The following ADAM17 variants were observed in gnomAD, a reference collection of about 807,000 sequenced individuals.
ADAM17 encodes disintegrin and metalloproteinase domain-containing protein 17.
Under a neutral mutation model 96.7 loss-of-function variants are expected in ADAM17, and 39 were observed. The observed-to-expected ratio is 0.40, with a 90% CI of 0.31 to 0.53. The LOEUF is 0.53. Among genes scored for constraint, ADAM17 ranks in the 20% least tolerant of loss-of-function variants. The probability of loss-of-function intolerance (pLI) is 0.44; values close to 1 mark genes in which losing one functional copy is unlikely to be tolerated. For synonymous variants in ADAM17, 344 were observed against 359.2 expected (o/e 0.96, Z 0.48); for missense variants, 777 against 1,013.2 (o/e 0.77, Z 3.17).
chr2:9,493,078 C>T, intron 16 of ADAM17, 92 bp from the exon 17 acceptor site: 1 of 1,058,406 alleles, frequency 9.4e-7, no homozygotes, highest in Middle Eastern at 2.1e-4. Flanking sequence ...GTGTCAAATG[C>T]CAGAGCTGCT....
chr2:9,494,863 A>G, intron 14 of ADAM17, 96 bp from the exon 15 acceptor site: 1 of 1,448,620 alleles, frequency 6.9e-7, no homozygotes, highest in South Asian at 1.3e-5. Context: ...CCAAAGAGGT[A>G]AGAAATCACA....
intron 1 of ADAM17, among the ~76,000 whole-genome samples, chr2:9,553,187 G>C (rs1665633973): frequency 1.3e-5 from 2 of 152,126 alleles, no homozygotes; most frequent in Non-Finnish European, 2.9e-5. Flanking sequence ...AACTAGACTT[G>C]ATCTCTAAGA....
chr2:9,495,503 A>G (rs549154346), intron 14 of ADAM17, among the ~76,000 whole-genome samples: 10 of 152,188 alleles, frequency 6.6e-5, no homozygotes, highest in Non-Finnish European at 1.2e-4. Context: ...ACTTGAGGCC[A>G]GGAGTTCGAG....
intron 1 of ADAM17, among the ~76,000 whole-genome samples, chr2:9,547,556 T>C (rs1441333472): frequency 6.6e-6 from 1 of 152,046 alleles, no homozygotes; most frequent in East Asian, 1.9e-4. Flanking sequence ...GTCAAGGGCA[T>C]AACATATGCT....
At chr2:9,548,003 G>GT (rs905790548) in intron 1 of ADAM17, among the ~76,000 whole-genome samples, 4 of 152,018 alleles carry the variant, frequency 2.6e-5, no homozygotes, top group African/African-American at 7.2e-5. Context: ...GGAGGCAGAG[G>GT]TTGCAGTGAG....
At chr2:9,506,057 C>T (rs994424048) in intron 11 of ADAM17, among the ~76,000 whole-genome samples, 15 of 152,224 alleles carry the variant, frequency 9.9e-5, no homozygotes, top group Admixed American at 9.2e-4. Context: ...TTATCAGGAG[C>T]TCTAAAACTG....
At chr2:9,538,083 A>C (rs1193975918) in intron 2 of ADAM17, among the ~76,000 whole-genome samples, 2 of 151,198 alleles carry the variant, frequency 1.3e-5, no homozygotes, top group Non-Finnish European at 2.9e-5. Flanking sequence ...GTTTCAGTCC[A>C]GTTCTTTAAT....
At chr2:9,547,707 G>A (rs897830829) in intron 1 of ADAM17, among the ~76,000 whole-genome samples, 1 of 152,136 alleles carries the variant, frequency 6.6e-6, no homozygotes, top group Admixed American at 6.5e-5. Context: ...GCTATGGAAG[G>A]AAATCAGGGA....
chr2:9,541,657 CTT>C (rs775136456), intron 2 of ADAM17, among the ~76,000 whole-genome samples: 94 of 152,334 alleles, frequency 6.2e-4, no homozygotes, highest in Non-Finnish European at 1.1e-3. Context: ...GAAGTAAAAA[CTT>C]TGCATATCCT....
rs564659780 is a variant in ADAM17 at position 9,504,115 on chromosome 2, C to T, written c.1544+1051G>A. On this transcript the variant is annotated intron_variant, in intron 12 of 18. Coordinates refer to ENST00000310823, the MANE Select transcript of ADAM17 (RefSeq NM_003183.6). ...GCAGTGAGCCATGATCATGCCACTG[C>T]ACTCCATCTTGGGCAACAGACTGAG... Among the ~76,000 whole-genome samples the T allele has an allele frequency of 2.6e-3, 395 of 152,236 alleles. 1 individual carries two copies. Among genetic ancestry groups the T allele is most frequent in the Admixed American group, 7.2e-3 (110 of 15,286 alleles).
chr2:9,509,567 CT>C (rs1430660941), intron 11 of ADAM17, among the ~76,000 whole-genome samples: 2 of 152,170 alleles, frequency 1.3e-5, no homozygotes, highest in Non-Finnish European at 2.9e-5. Flanking sequence ...GTCAGGCAAA[CT>C]ATGTGTTTAA....
intron 2 of ADAM17, among the ~76,000 whole-genome samples, chr2:9,539,794 C>T (rs2125038362): frequency 6.6e-6 from 1 of 152,268 alleles, no homozygotes; most frequent in East Asian, 1.9e-4. Context: ...TTAAGTCCTA[C>T]TTTCATTTAC....
At chr2:9,535,811 A>T (rs1448024683) in intron 4 of ADAM17, 23 bp downstream of exon 4, 3 of 1,512,786 alleles carry the variant, frequency 2.0e-6, no homozygotes, top group Non-Finnish European at 2.7e-6. Flanking sequence ...AGCTACTGAA[A>T]AAAAATTCAC....
chr2:9,543,747 G>A (rs1156591578), intron 1 of ADAM17, among the ~76,000 whole-genome samples: 1 of 152,202 alleles, frequency 6.6e-6, no homozygotes, highest in Non-Finnish European at 1.5e-5. Flanking sequence ...CAGCAGAATG[G>A]TGGTTACCAG....
intron 13 of ADAM17, 26 bp downstream of exon 13, chr2:9,502,147 T>C: frequency 6.3e-7 from 1 of 1,591,752 alleles, no homozygotes; most frequent in Non-Finnish European, 8.6e-7. Context: ...CCCACAGCAT[T>C]CCAAGGAAGC....
Position 9,490,501 on chromosome 2 carries a change from G to A in ADAM17, c.2151C>T (p.Ser717=). 1.9e-6 allele frequency: 3 copies of A among 1,612,394 alleles called. No individual in the cohort carries two copies. Among genetic ancestry groups the A allele is most frequent in the Non-Finnish European group, 2.5e-6 (3 of 1,178,676 alleles). Residue 717 remains serine, a synonymous_variant, in exon 19 of 19, where the codon AGC becomes AGT. Coordinates refer to ENST00000310823, the MANE Select transcript of ADAM17 (RefSeq NM_003183.6). Reference sequence around the variant, plus strand: ...TGCGAACCGATGCAGAATCCATGCTGCTCAGCATTTCGACGTTCTGCAAAG... The same window carrying A: ...TGCGAACCGATGCAGAATCCATGCTACTCAGCATTTCGACGTTCTGCAAAG... ...LFHPSNVEML[S]SMDSASVRII...
At position 9,543,343 on chromosome 2, in the gene ADAM17, G is replaced by A. The variant is rs544050179; in HGVS notation, c.98-58C>T. On this transcript the variant is annotated intron_variant, in intron 1 of 18. Transcript: ENST00000310823. The stretch of plus-strand genomic sequence containing the variant: ...AAACCTAATAATCAATTGTAGTATC[G>A]TTAAAATGAGAGTGCCAGACAATAA... 17 of 1,379,644 alleles carry A rather than the reference G, an allele frequency of 1.2e-5. No homozygotes were observed. In the Middle Eastern group the frequency reaches 7.3e-4, roughly 59 times the overall value. The allele number at this position is 1,379,644 out of a possible 1,614,324, so 85.5% of individuals were successfully genotyped here.
intron 1 of ADAM17, among the ~76,000 whole-genome samples, chr2:9,551,917 G>A (rs975046861): frequency 1.7e-4 from 26 of 152,110 alleles, no homozygotes; most frequent in Admixed American, 1.6e-3. Flanking sequence ...GCTACAATAA[G>A]TAATCGTTTT....
chr2:9,517,935 C>T lies in ADAM17; in HGVS notation c.1157G>A (p.Ser386Asn). 6.2e-7 allele frequency: 1 copy of T among 1,602,848 alleles called. No homozygotes were observed. Among genetic ancestry groups the T allele is most frequent in the South Asian group, 1.1e-5 (1 of 88,128 alleles). Reference sequence around the variant, plus strand: ...GATGGTTTTACCATAATTCTTTGTGCTCGTCAAACCACTATTCAAATAGAT... The same window carrying T: ...GATGGTTTTACCATAATTCTTTGTGTTCGTCAAACCACTATTCAAATAGAT... ...KNIYLNSGLT[S>N]TKNYGKTILT... The change falls in exon 10 of 19, where the codon AGC becomes AAC. Residue 386 changes from serine (S) to asparagine (N), a missense_variant. This residue lies in a region of ADAM17 where 446 missense variants were observed against 664.7 expected (regional missense o/e 0.67). Coordinates refer to ENST00000310823, the MANE Select transcript of ADAM17 (RefSeq NM_003183.6).
Sources: gnomAD v4.1 joint callset for allele counts (sites outside exome capture counted in the v4.1 genomes callset) on GRCh38, gnomAD v4.1.1 for gene constraint, gnomAD v4.1.1 regional missense constraint, MANE v1.5 for transcripts, NCBI Gene and HGNC (gene_info 2026-07-23, HGNC 2026-07-21) for gene names.